The following NELL2 variants were observed in gnomAD, a reference collection of about 807,000 sequenced individuals.
The protein encoded by NELL2 is neural EGFL like 2, also known as protein kinase C-binding protein NELL2.
Under a neutral mutation model 109.6 loss-of-function variants are expected in NELL2, and 41 were observed. The ratio of observed to expected loss-of-function variants is 0.37; its 90% CI spans 0.29 to 0.49. NELL2 has a LOEUF of 0.49. Among genes scored for constraint, NELL2 ranks in the 20% least tolerant of loss-of-function variants. NELL2 has a pLI of 0.98. For missense variants in NELL2, 900 were observed against 1,008.3 expected (o/e 0.89, Z 1.45); for synonymous variants, 355 against 344.7 (o/e 1.03, Z -0.33).
At chr12:44,908,615 T>C (rs755270082) in intron 1 of NELL2, among the ~76,000 whole-genome samples, 12 of 151,886 alleles carry the variant, frequency 7.9e-5, no homozygotes, top group Non-Finnish European at 1.3e-4. Flanking sequence ...CATTAAAATA[T>C]TTAAGAATTA....
intron 13 of NELL2, among the ~76,000 whole-genome samples, chr12:44,626,121 A>G (rs1406955574): frequency 6.6e-6 from 1 of 152,204 alleles, no homozygotes; most frequent in Non-Finnish European, 1.5e-5. Context: ...GTCAGTTAAT[A>G]CGCAAACATA....
chr12:44,653,516 T>C (rs1947378217), intron 13 of NELL2, among the ~76,000 whole-genome samples: 1 of 152,174 alleles, frequency 6.6e-6, no homozygotes, highest in Admixed American at 6.5e-5. Context: ...TTGTTAGTTG[T>C]GGTAGTTCAC....
chr12:44,658,462 C>G (rs1303383563), intron 13 of NELL2, among the ~76,000 whole-genome samples: 1 of 152,158 alleles, frequency 6.6e-6, no homozygotes, highest in Non-Finnish European at 1.5e-5. Context: ...AATGGAAAAA[C>G]ATTCCATGCT....
chr12:44,835,950 A>G (rs1212960854), intron 2 of NELL2, among the ~76,000 whole-genome samples: 1 of 152,258 alleles, frequency 6.6e-6, no homozygotes, highest in East Asian at 1.9e-4. Flanking sequence ...GCATGCAGGA[A>G]CAACGAAGTA....
At chr12:44,820,917 G>C (rs1046396104) in intron 2 of NELL2, among the ~76,000 whole-genome samples, 4 of 140,588 alleles carry the variant, frequency 2.8e-5, no homozygotes, top group African/African-American at 1.0e-4. Context: ...ACCAGACTGT[G>C]TTACCTAAAG....
chr12:44,892,150 G>C (rs1189657032), intron 1 of NELL2, among the ~76,000 whole-genome samples: 5 of 152,176 alleles, frequency 3.3e-5, no homozygotes, highest in Non-Finnish European at 5.9e-5. Context: ...TCTTTTTAAA[G>C]ATATGAGCAT....
chr12:44,611,065 C>A (rs1477121863), intron 13 of NELL2, 95 bp from the exon 14 acceptor site: 4 of 1,225,960 alleles, frequency 3.3e-6, no homozygotes, highest in Non-Finnish European at 1.2e-6. Context: ...ATGGTAAATT[C>A]TTTCAACCAC....
intron 19 of NELL2, among the ~76,000 whole-genome samples, chr12:44,518,578 A>G (rs1018537841): frequency 2.0e-5 from 3 of 152,150 alleles, no homozygotes; most frequent in African/African-American, 7.2e-5. Flanking sequence ...AAACAGTCTG[A>G]GTTGTTTTCC....
chr12:44,690,262 C>T (rs1036811256), intron 12 of NELL2, among the ~76,000 whole-genome samples: 3 of 152,160 alleles, frequency 2.0e-5, no homozygotes, highest in South Asian at 4.1e-4. Context: ...AAGCTGAGAA[C>T]GTAAACACTA....
At chr12:44,675,643 AAC>A (rs1948284002) in intron 12 of NELL2, among the ~76,000 whole-genome samples, 1 of 152,146 alleles carries the variant, frequency 6.6e-6, no homozygotes, top group South Asian at 2.1e-4. Context: ...GAATTGAAGA[AAC>A]AGAGGCACAG....
At chr12:44,841,268 A>T (rs1944218805) in intron 2 of NELL2, among the ~76,000 whole-genome samples, 2 of 152,224 alleles carry the variant, frequency 1.3e-5, no homozygotes, top group South Asian at 4.1e-4. Flanking sequence ...TCCTTTTCAC[A>T]TGCCTTACTT....
intron 1 of NELL2, among the ~76,000 whole-genome samples, chr12:44,897,160 T>C (rs546643183): frequency 6.6e-6 from 1 of 152,048 alleles, no homozygotes; most frequent in East Asian, 1.9e-4. Flanking sequence ...TCTACTGAGG[T>C]TAGTAGAATA....
intron 13 of NELL2, among the ~76,000 whole-genome samples, chr12:44,647,167 A>C (rs1013772754): frequency 1.3e-5 from 2 of 152,194 alleles, no homozygotes; most frequent in Admixed American, 6.5e-5. Flanking sequence ...CAGGGCCCCT[A>C]TACAAATCCA....
intron 9 of NELL2, among the ~76,000 whole-genome samples, chr12:44,729,015 C>G (rs1003156314): frequency 6.6e-6 from 1 of 151,968 alleles, no homozygotes; most frequent in Non-Finnish European, 1.5e-5. Context: ...AAATACCAGA[C>G]AGCAACACGA....
At chr12:44,764,855 A>C (rs1266501560) in intron 9 of NELL2, among the ~76,000 whole-genome samples, 1 of 151,984 alleles carries the variant, frequency 6.6e-6, no homozygotes. Context: ...AGAGAGAGAG[A>C]GAGAAAAAAA....
intron 13 of NELL2, among the ~76,000 whole-genome samples, chr12:44,643,825 G>C (rs1183433277): frequency 6.6e-6 from 1 of 152,126 alleles, no homozygotes; most frequent in East Asian, 1.9e-4. Context: ...TCTATTATGT[G>C]CATAATGATG....
At chr12:44,639,522 C>T (rs1015010484) in intron 13 of NELL2, among the ~76,000 whole-genome samples, 7 of 152,072 alleles carry the variant, frequency 4.6e-5, no homozygotes, top group Admixed American at 3.3e-4. Context: ...CATTTTACTC[C>T]TTTTTCACTA....
intron 1 of NELL2, among the ~76,000 whole-genome samples, chr12:44,903,739 G>A (rs962598137): frequency 1.3e-5 from 2 of 152,076 alleles, no homozygotes. Flanking sequence ...TCCTTTGCAG[G>A]GACATGGATG....
At chr12:44,859,700 A>G (rs924664311) in intron 2 of NELL2, among the ~76,000 whole-genome samples, 1 of 152,236 alleles carries the variant, frequency 6.6e-6, no homozygotes, top group Non-Finnish European at 1.5e-5. Context: ...TCCAGACCCA[A>G]CATGAAGAGA....
Sources: gnomAD v4.1 joint callset for allele counts (sites outside exome capture counted in the v4.1 genomes callset) on GRCh38, gnomAD v4.1.1 for gene constraint, MANE v1.5 for transcripts, NCBI Gene and HGNC (gene_info 2026-07-23, HGNC 2026-07-21) for gene names.